ARSG: variants seen among roughly 807,000 people sequenced by gnomAD.
The protein encoded by ARSG is ASG.
A neutral mutation model predicts 50.5 loss-of-function variants in ARSG; 37 were observed. That is an observed-to-expected ratio of 0.73 (90% confidence interval 0.56 to 0.96). ARSG has a LOEUF of 0.96. Among genes scored for constraint, ARSG ranks in the 50% least tolerant of loss-of-function variants. The pLI is 0.00. For synonymous variants in ARSG, 225 were observed against 254.6 expected (o/e 0.88, Z 1.11); for missense variants, 629 against 675.3 (o/e 0.93, Z 0.76).
At chr17:68,394,988 G>T in intron 9 of ARSG, 85 bp from the exon 10 acceptor site, 1 of 1,581,540 alleles carries the variant, frequency 6.3e-7, no homozygotes, top group South Asian at 1.1e-5. Context: ...GCTTGCTCTG[G>T]GCTGGTTCAG....
At chr17:68,404,032 G>T (rs192336620) in intron 11 of ARSG, among the ~76,000 whole-genome samples, 2 of 152,246 alleles carry the variant, frequency 1.3e-5, no homozygotes, top group East Asian at 3.9e-4. Flanking sequence ...TACCAAGGAC[G>T]TGAACTCATC....
chr17:68,372,476 G>A (rs1034509983), intron 8 of ARSG, among the ~76,000 whole-genome samples: 14 of 152,194 alleles, frequency 9.2e-5, no homozygotes, highest in African/African-American at 1.4e-4. Context: ...GGCAGAAGGC[G>A]AAGGGGAAGC....
At chr17:68,297,746 C>A (rs561653250) in intron 1 of ARSG, among the ~76,000 whole-genome samples, 1 of 152,126 alleles carries the variant, frequency 6.6e-6, no homozygotes, top group Non-Finnish European at 1.5e-5. Context: ...GGATTACAGG[C>A]GTGAGCCGCT....
downstream of ARSG, chr17:68,427,124 T>C (rs200964293): frequency 1.1e-4 from 175 of 1,611,120 alleles, no homozygotes; most frequent in African/African-American, 1.9e-3. Flanking sequence ...GTTGGCCCCG[T>C]GTCCACCCAC....
intron 8 of ARSG, among the ~76,000 whole-genome samples, chr17:68,371,316 CAAAAAA>C (rs35873473): frequency 1.2e-5 from 1 of 86,182 alleles, no homozygotes. Context: ...GACTCCGTCT[CAAAAAA>C]AAAAAAAAAA....
chr17:68,405,778 T>C lies in ARSG; in HGVS notation c.1303+4328T>C, dbSNP rs182001108. Among the ~76,000 whole-genome samples, 95 of 152,350 alleles carry C rather than the reference T, an allele frequency of 6.2e-4. 1 individual carries two copies. The highest frequency in any genetic ancestry group is 1.2e-4 in the Non-Finnish European group (8 of 68,026). On this transcript the variant is annotated intron_variant, in intron 11 of 11. Transcript: ENST00000621439. ...ATATTATGTCCTTCTCTTTGTCTCTTATAACCCTTTTTAAAATTTAAAGTC... is the reference window on the plus strand; with the variant it reads ...ATATTATGTCCTTCTCTTTGTCTCTCATAACCCTTTTTAAAATTTAAAGTC...
At chr17:68,326,394 C>T (rs1244951839) in intron 2 of ARSG, among the ~76,000 whole-genome samples, 5 of 152,156 alleles carry the variant, frequency 3.3e-5, no homozygotes, top group Non-Finnish European at 7.3e-5. Context: ...CAGCCTGGCG[C>T]GGTGGCTCAC....
the ARSG span, chr17:68,430,301 G>A: frequency 1.3e-6 from 1 of 779,552 alleles, no homozygotes. Flanking sequence ...TGCCCACTGA[G>A]AACAATCCAG....
the ARSG span, chr17:68,434,544 T>C: frequency 4.3e-6 from 7 of 1,613,642 alleles, no homozygotes; most frequent in African/African-American, 2.7e-5. Flanking sequence ...GGGTTTGACA[T>C]TGAACACAGA....
chr17:68,300,822 C>T (rs534897216), intron 1 of ARSG, among the ~76,000 whole-genome samples: 54 of 151,174 alleles, frequency 3.6e-4, no homozygotes, highest in African/African-American at 1.1e-3. Context: ...TGATATTGCC[C>T]GAAACAGTGT....
chr17:68,392,886 G>A (rs28711365), intron 9 of ARSG, among the ~76,000 whole-genome samples: 21,666 of 152,202 alleles, frequency 0.14, 2,795 homozygotes, highest in East Asian at 0.36. Context: ...ACAAAAACTA[G>A]ATCTTTTATA....
At chr17:68,357,927 G>C (rs1048513561) in intron 6 of ARSG, among the ~76,000 whole-genome samples, 1 of 152,206 alleles carries the variant, frequency 6.6e-6, no homozygotes, top group Non-Finnish European at 1.5e-5. Flanking sequence ...CAAAAGGCTG[G>C]GGGTGGTAGC....
chr17:68,353,639 C>T (rs1302730654), intron 5 of ARSG, among the ~76,000 whole-genome samples: 2 of 152,222 alleles, frequency 1.3e-5, no homozygotes, highest in African/African-American at 2.4e-5. Context: ...CCTGTAATCA[C>T]ACCTGGCCAT....
intron 2 of ARSG, among the ~76,000 whole-genome samples, chr17:68,326,288 A>C (rs1453693514): frequency 6.6e-6 from 1 of 152,254 alleles, no homozygotes; most frequent in Admixed American, 6.5e-5. Context: ...AGGAGGGGCC[A>C]GCCCTGTGGA....
At chr17:68,428,098 A>C in the ARSG span, 1 of 152,108 alleles carries the variant, frequency 6.6e-6, no homozygotes, top group Non-Finnish European at 1.5e-5. Context: ...GGGTTTCACC[A>C]TGTTTCTCAG....
At chr17:68,273,178 G>A (rs1180351017) in intron 1 of ARSG, among the ~76,000 whole-genome samples, 1 of 151,704 alleles carries the variant, frequency 6.6e-6, no homozygotes, top group Non-Finnish European at 1.5e-5. Context: ...TCATCTATGA[G>A]GAATATATGG....
the ARSG span, chr17:68,434,463 G>C: frequency 2.2e-6 from 3 of 1,349,060 alleles, no homozygotes; most frequent in South Asian, 2.6e-5. Flanking sequence ...GGAGGGCACA[G>C]AGCCACTCTC....
intron 1 of ARSG, chr17:68,270,806 G>T: frequency 6.5e-7 from 1 of 1,528,866 alleles, no homozygotes; most frequent in South Asian, 1.3e-5. Context: ...AGGGAAAGTA[G>T]ACAAGTGTTT....
chr17:68,389,417 G>A (rs1470005770), intron 9 of ARSG, among the ~76,000 whole-genome samples: 1 of 152,120 alleles, frequency 6.6e-6, no homozygotes, highest in African/African-American at 2.4e-5. Flanking sequence ...CCCATCAAAT[G>A]TGAGCATAGG....
Sources: gnomAD v4.1 joint callset for allele counts (sites outside exome capture counted in the v4.1 genomes callset) on GRCh38, gnomAD v4.1.1 for gene constraint, MANE v1.5 for transcripts, NCBI Gene and HGNC (gene_info 2026-07-23, HGNC 2026-07-21) for gene names.